ZNFX1: variants seen among roughly 807,000 people sequenced by gnomAD.
ZNFX1 encodes NFX1-type zinc finger-containing protein 1.
A neutral mutation model predicts 179.8 loss-of-function variants in ZNFX1; 78 were observed. The observed-to-expected ratio is 0.43, with a 90% CI of 0.36 to 0.52. The LOEUF is 0.52. Ranked by LOEUF, ZNFX1 falls within the 20% of genes least tolerant of loss-of-function variation. ZNFX1 has a pLI of 0.00. For synonymous variants in ZNFX1, 848 were observed against 868.5 expected, an observed-to-expected ratio of 0.98 and a Z score of 0.42; for missense variants, 1,927 against 2,386.6, an observed-to-expected ratio of 0.81 and a Z score of 4.01.
In ZNFX1 at chr20:49,271,630, G is replaced by C; in HGVS notation, c.182C>G (p.Ala61Gly). The C allele has an allele frequency of 6.2e-7, 1 of 1,614,094 alleles. No individual in the cohort carries two copies. Among genetic ancestry groups the C allele is most frequent in the Non-Finnish European group, 8.5e-7 (1 of 1,180,022 alleles). Residue 61 changes from alanine to glycine, a missense_variant, in exon 3 of 14, where the codon GCT becomes GGT. Coordinates refer to ENST00000396105, the MANE Select transcript of ZNFX1 (RefSeq NM_021035.3). ...TCTCTCTTCCCTCTGCCAGTAAGCA[G>C]CAGGATGGTTGTTGGCCCTAGGATG... ...GRHPRANNHPAAYWQREERFR... is the reference protein window; with the variant it reads ...GRHPRANNHPGAYWQREERFR...
At chr20:49,252,205 G>A (rs1341678256) in intron 12 of ZNFX1, among the ~76,000 whole-genome samples, 1 of 146,380 alleles carries the variant, frequency 6.8e-6, no homozygotes, top group Non-Finnish European at 1.5e-5. Flanking sequence ...ACAGTGGCAT[G>A]ATCTCGGCTC....
chr20:49,252,899 T>C, intron 11 of ZNFX1, 69 bp from the exon 12 acceptor site: 1 of 1,202,904 alleles, frequency 8.3e-7, no homozygotes, highest in Non-Finnish European at 1.2e-6. Flanking sequence ...CTTCCATCCA[T>C]CCAACCAACC....
chr20:49,254,363 G>A, intron 10 of ZNFX1, 132 bp downstream of exon 10: 1 of 1,195,980 alleles, frequency 8.4e-7, no homozygotes. Context: ...CTCAAAATAT[G>A]GGTGCTTTCA....
In ZNFX1 at chr20:49,246,151, T is replaced by C. The variant is rs531404216; in HGVS notation, c.*1116A>G. 4 of 151,730 alleles carry C rather than the reference T, an allele frequency of 2.6e-5. No homozygotes were observed. In the East Asian group the frequency reaches 5.8e-4, roughly 22 times the overall value. The allele number at this position is 151,730 out of a possible 1,614,324, so 9.4% of individuals were successfully genotyped here. A position where few individuals can be genotyped will look rare whatever the true frequency, so the allele number is the denominator to read the frequency against. On this transcript the variant is annotated 3_prime_UTR_variant, in exon 14 of 14. Transcript: ENST00000396105. ...CCCAGGGAACAGCTCCAAGAGGGAG[T>C]GTTGGGATGAAGGATCACACTTGGG...
intron 1 of ZNFX1, among the ~76,000 whole-genome samples, chr20:49,277,162 G>C (rs1981588573): frequency 6.6e-6 from 1 of 152,158 alleles, no homozygotes; most frequent in Non-Finnish European, 1.5e-5. Flanking sequence ...GATCAAGCTG[G>C]CCTGGAGTCA....
rs1980663327 is a variant in ZNFX1, at chr20:49,246,062, A to G, written c.*1205T>C. On this transcript the variant is annotated 3_prime_UTR_variant, in exon 14 of 14. Coordinates refer to ENST00000396105, the MANE Select transcript of ZNFX1 (RefSeq NM_021035.3). ...AGGAGGGAATGCAGATGCAGGCAGC[A>G]GGCCTGGGTCTGGCTTCTGGCCTGG... 1 of 152,500 alleles carries G rather than the reference A, an allele frequency of 6.6e-6. No individual in the cohort carries two copies. The highest frequency in any genetic ancestry group is 1.5e-5 in the Non-Finnish European group (1 of 68,054). The allele number at this position is 152,500 out of a possible 1,614,324, so 9.4% of individuals were successfully genotyped here. A position where few individuals can be genotyped will look rare whatever the true frequency, so the allele number is the denominator to read the frequency against.
Position 49,249,244 on chromosome 20 carries a change from G to C in ZNFX1, c.3780C>G (p.Leu1260=). 1 of 1,614,236 alleles carries C rather than the reference G, an allele frequency of 6.2e-7. No homozygotes were observed. The highest frequency in any genetic ancestry group is 8.5e-7 in the Non-Finnish European group (1 of 1,180,040). The change falls in exon 14 of 14, where the codon CTC becomes CTG. Residue 1260 remains leucine (L), a synonymous_variant. Transcript: ENST00000396105. ...LRENNQIGPM[L]RLCCQNHPET... ...CAGGGTGGTTCTGGCAGCAGAGCCG[G>C]AGCATGGGGCCTATTTGATTGTTCT...
At chr20:49,259,508 ACCT>A (rs1030113884) in intron 7 of ZNFX1, among the ~76,000 whole-genome samples, 10 of 151,938 alleles carry the variant, frequency 6.6e-5, no homozygotes, top group Non-Finnish European at 1.2e-4. Context: ...TGCAGCCTCA[ACCT>A]CCTGAGCTCA....
Position 49,247,017 on chromosome 20 carries a change from C to T in ZNFX1, c.*250G>A, listed in dbSNP as rs938523121. 24 of 465,220 alleles carry T rather than the reference C, an allele frequency of 5.2e-5. No homozygotes were observed. The highest frequency in any genetic ancestry group is 6.1e-4 in the Middle Eastern group (1 of 1,634). 28.8% of individuals were successfully genotyped at this position (465,220 alleles called of 1,614,324 possible). Reference sequence around the variant, plus strand: ...CCAAGTAGCTGGGATTACAGGCGCCCGCCATAACGCCCAGCTAATTTTTGT... The same window carrying T: ...CCAAGTAGCTGGGATTACAGGCGCCTGCCATAACGCCCAGCTAATTTTTGT... On this transcript the variant is annotated 3_prime_UTR_variant, in exon 14 of 14. Coordinates refer to ENST00000396105, the MANE Select transcript of ZNFX1 (RefSeq NM_021035.3).
chr20:49,253,311 T>C (rs1304916501), intron 11 of ZNFX1, among the ~76,000 whole-genome samples: 1 of 152,174 alleles, frequency 6.6e-6, no homozygotes. Context: ...ATTATCTATC[T>C]ACCTTTTTTT....
chr20:49,246,905 G>T lies in ZNFX1; in HGVS notation c.*362C>A. On this transcript the variant is annotated 3_prime_UTR_variant, in exon 14 of 14. Coordinates refer to ENST00000396105, the MANE Select transcript of ZNFX1 (RefSeq NM_021035.3). ...TTTTTTGAGACAGAGTCTTGCTCCT[G>T]TCGCCCAGACTGGAGTGCAATGGCA... 1 of 462,960 alleles carries T rather than the reference G, an allele frequency of 2.2e-6. No individual in the cohort carries two copies. The highest frequency in any genetic ancestry group is 4.3e-6 in the Non-Finnish European group (1 of 231,998). The allele number at this position is 462,960 out of a possible 1,614,324, so 28.7% of individuals were successfully genotyped here.
chr20:49,253,583 G>A (rs368656911), intron 11 of ZNFX1, 83 bp downstream of exon 11: 3 of 1,551,110 alleles, frequency 1.9e-6, no homozygotes, highest in Middle Eastern at 2.3e-4. Flanking sequence ...CTTGAGGACT[G>A]TTGAAGCAGA....
Position 49,248,261 on chromosome 20 carries a change from A to G in ZNFX1, c.4763T>C (p.Leu1588Pro). Residue 1588 changes from leucine to proline, a missense_variant, in exon 14 of 14, where the codon CTG (leucine) becomes CCG (proline). By Grantham distance (98) the Leu-to-Pro change is moderately conservative (BLOSUM62 -3). Transcript: ENST00000396105. This position sits in a 1 kb window ranked among gnomAD's most constrained non-coding sequence, Gnocchi z 4.6. ...CTCAAAGATGTGGCTGCAGTCTTCCAGCTGCACAAAGCGGGCATCAGGCTC... is the reference window on the plus strand; with the variant it reads ...CTCAAAGATGTGGCTGCAGTCTTCCGGCTGCACAAAGCGGGCATCAGGCTC... ...EDEPDARFVQ[L>P]EDCSHIFEVQ... 1 of 1,614,190 alleles carries G rather than the reference A, an allele frequency of 6.2e-7. No homozygotes were observed. The highest frequency in any genetic ancestry group is 8.5e-7 in the Non-Finnish European group (1 of 1,180,042).
At position 49,270,391 on chromosome 20, in the gene ZNFX1, T is replaced by C; in HGVS notation, c.1421A>G (p.Gln474Arg). ...GACAATTCCTCGGCAGAGATCTTCC[T>C]GCTCCCTGTTAGATACGGTGGCAAA... ...FLFATVSNRE[Q>R]EDLCRGIVQL... The change falls in exon 3 of 14, where the codon CAG (glutamine) becomes CGG (arginine). Residue 474 changes from glutamine to arginine, a missense_variant. Gln to Arg is a conservative substitution (Grantham distance 43, BLOSUM62 1). Transcript: ENST00000396105. This position sits in a 1 kb window ranked among gnomAD's most constrained non-coding sequence, Gnocchi z 4.6. 4 of 1,614,256 alleles carry C rather than the reference T, an allele frequency of 2.5e-6. No homozygotes were observed. Among genetic ancestry groups the C allele is most frequent in the Non-Finnish European group, 3.4e-6 (4 of 1,180,054 alleles).
rs946049330 is a variant in ZNFX1 at position 49,248,857 on chromosome 20, T to C, written c.4167A>G (p.Pro1389=). Residue 1389 remains proline, a synonymous_variant, in exon 14 of 14, where the codon CCA becomes CCG. Transcript: ENST00000396105. This position sits in a 1 kb window ranked among gnomAD's most constrained non-coding sequence, Gnocchi z 4.6. ...SLRCGHRCSH[P]CGEDCVQLCS... ...ACAGCTGCACACAGTCCTCACCACATGGGTGGCTGCATCTGTGCCCACATC... is the reference window on the plus strand; with the variant it reads ...ACAGCTGCACACAGTCCTCACCACACGGGTGGCTGCATCTGTGCCCACATC... 1 of 1,613,466 alleles carries C rather than the reference T, an allele frequency of 6.2e-7. No homozygotes were observed. The highest frequency in any genetic ancestry group is 8.5e-7 in the Non-Finnish European group (1 of 1,179,362).
intron 5 of ZNFX1, 29 bp from the exon 6 acceptor site, chr20:49,263,512 G>A (rs1981165223): frequency 1.3e-6 from 2 of 1,556,148 alleles, no homozygotes; most frequent in South Asian, 1.2e-5. Flanking sequence ...AAGAAATGAT[G>A]AGGAAATATC....
chr20:49,277,184 GC>G (rs1411766271), intron 1 of ZNFX1, among the ~76,000 whole-genome samples: 4 of 152,152 alleles, frequency 2.6e-5, no homozygotes. Context: ...AATGAGAGGG[GC>G]TAGTCATCAC....
chr20:49,253,652 G>A lies in ZNFX1; in HGVS notation c.3105+14C>T. The A allele has an allele frequency of 1.9e-6, 3 of 1,613,704 alleles. No individual in the cohort carries two copies. The highest frequency in any genetic ancestry group is 1.1e-5 in the South Asian group (1 of 91,046). On this transcript the variant is annotated intron_variant, in intron 11 of 13. Transcript: ENST00000396105. ...GGAGAGCCAGCCCATCTTCTAGGGGGACTCTCGTTTTACCTGCTGGTGGTC... is the reference window on the plus strand; with the variant it reads ...GGAGAGCCAGCCCATCTTCTAGGGGAACTCTCGTTTTACCTGCTGGTGGTC...
Position 49,268,413 on chromosome 20 carries a change from T to C in ZNFX1, c.1870+1529A>G, listed in dbSNP as rs17786623. ...TACTATGCATGACAATGGGTTCCTA[T>C]TGGAAAATCCCTATGAGCAGCTACT... On this transcript the variant is annotated intron_variant, in intron 3 of 13. Coordinates refer to ENST00000396105, the MANE Select transcript of ZNFX1 (RefSeq NM_021035.3). Among the ~76,000 whole-genome samples, 485 of 152,314 alleles carry C rather than the reference T, an allele frequency of 3.2e-3. 15 individuals carry two copies. The East Asian group carries it at 0.037, about 12-fold the overall frequency.
Sources: gnomAD v4.1 joint callset for allele counts (sites outside exome capture counted in the v4.1 genomes callset) on GRCh38, gnomAD v4.1.1 for gene constraint, Gnocchi (gnomAD v3.1) non-coding constraint, MANE v1.5 for transcripts, NCBI Gene and HGNC (gene_info 2026-07-23, HGNC 2026-07-21) for gene names.